The following PDZK1IP1 variants were observed in gnomAD, a reference collection of about 807,000 sequenced individuals.
PDZK1IP1 encodes PDZK1 interacting protein 1, also known as PDZK1-interacting protein 1.
A neutral mutation model predicts 14.7 loss-of-function variants in PDZK1IP1; 9 were observed. That is an observed-to-expected ratio of 0.61 (90% CI 0.37 to 1.07). The LOEUF is 1.07. PDZK1IP1 is among the 50% of genes least tolerant of loss of function. PDZK1IP1 has a pLI of 0.01. For missense variants in PDZK1IP1, 152 were observed against 148.7 expected, an observed-to-expected ratio of 1.02 and a Z score of -0.11; for synonymous variants, 70 against 61.2, an observed-to-expected ratio of 1.14 and a Z score of -0.67.
Position 47,183,801 on chromosome 1 carries a change from A to G in PDZK1IP1, c.*170T>C, listed in dbSNP as rs1436991442. 1 of 644,384 alleles carries G rather than the reference A, an allele frequency of 1.6e-6. No homozygotes were observed. Among genetic ancestry groups the G allele is most frequent in the East Asian group, 2.7e-5 (1 of 36,712 alleles). 39.9% of individuals were successfully genotyped at this position (644,384 alleles called of 1,614,324 possible). ...CGAGCCCCAACCTAGACACGGTCTG[A>G]GCTCCAACCTTGGCTGGCTATACTT... On this transcript the variant is annotated 3_prime_UTR_variant, in exon 4 of 4. Transcript: ENST00000294338.
In PDZK1IP1 at chr1:47,189,802, G is replaced by T. The variant is rs77370325; in HGVS notation, c.67+64C>A. 2.7e-3 allele frequency: 3,492 copies of T among 1,281,980 alleles called. 95 individuals carry two copies. The East Asian group carries it at 0.062, about 23-fold the overall frequency. 79.4% of individuals were successfully genotyped at this position (1,281,980 alleles called of 1,614,324 possible). On this transcript the variant is annotated intron_variant, in intron 1 of 3. Coordinates refer to ENST00000294338, the MANE Select transcript of PDZK1IP1 (RefSeq NM_005764.4). ...TGTAAGTATCAAGGCCCTGGGGAGG[G>T]GAGCCAGAACACCACCTGTCCACCC...
At chr1:47,184,962 C>T in intron 3 of PDZK1IP1, 40 bp downstream of exon 3, 2 of 1,499,244 alleles carry the variant, frequency 1.3e-6, no homozygotes, top group Non-Finnish European at 1.9e-6. Context: ...CTCCTTAGGC[C>T]CTGGGAGCAC....
At position 47,187,326 on chromosome 1, in the gene PDZK1IP1, C is replaced by T; in HGVS notation, c.169G>A (p.Glu57Lys). Residue 57 changes from glutamate (E) to lysine (K), a missense_variant, in exon 2 of 4, where the codon GAG becomes AAG. Coordinates refer to ENST00000294338, the MANE Select transcript of PDZK1IP1 (RefSeq NM_005764.4). ...CCCTTGGGCAGCACTCACGGCTCCTCCTGGCACCAGAAGTGGTTGACTGCA... is the reference window on the plus strand; with the variant it reads ...CCCTTGGGCAGCACTCACGGCTCCTTCTGGCACCAGAAGTGGTTGACTGCA... ...AFAVNHFWCQ[E>K]EPEPAHMILT... 1 of 1,612,246 alleles carries T rather than the reference C, an allele frequency of 6.2e-7. No individual in the cohort carries two copies. Among genetic ancestry groups the T allele is most frequent in the Non-Finnish European group, 8.5e-7 (1 of 1,179,438 alleles).
At chr1:47,188,785 C>T (rs1003699640) in intron 1 of PDZK1IP1, among the ~76,000 whole-genome samples, 11 of 152,206 alleles carry the variant, frequency 7.2e-5, no homozygotes, top group African/African-American at 2.7e-4. Flanking sequence ...TGTGATTACC[C>T]TCAGTTCCAC....
intron 3 of PDZK1IP1, among the ~76,000 whole-genome samples, chr1:47,184,538 C>T (rs1406455573): frequency 4.7e-5 from 6 of 128,910 alleles, no homozygotes; most frequent in East Asian, 5.0e-4. Context: ...AGCTCCATCC[C>T]CCACTGAGCT....
chr1:47,184,544 G>A (rs114317643), intron 3 of PDZK1IP1, among the ~76,000 whole-genome samples: 6 of 14,398 alleles, frequency 4.2e-4, no homozygotes, highest in South Asian at 2.6e-3. Context: ...ATCCCCCACT[G>A]AGCTCCATCC....
chr1:47,187,524 T>G, intron 1 of PDZK1IP1, 97 bp from the exon 2 acceptor site: 2 of 946,244 alleles, frequency 2.1e-6, no homozygotes, highest in East Asian at 2.6e-5. Context: ...CCACCTATGC[T>G]GAAGGCCCTC....
rs779800928 is a variant in PDZK1IP1 at position 47,187,381 on chromosome 1, G to C, written c.114C>G (p.Ala38=). Residue 38 remains alanine, a synonymous_variant, in exon 2 of 4, where the codon GCC becomes GCG. Coordinates refer to ENST00000294338, the MANE Select transcript of PDZK1IP1 (RefSeq NM_005764.4). ...QPWMQGLIAV[A]VFLVLVAIAF... ...CGATTGCAACGAGGACCAGGAACACGGCCACCGCGATAAGGCCCTGCATCC... is the reference window on the plus strand; with the variant it reads ...CGATTGCAACGAGGACCAGGAACACCGCCACCGCGATAAGGCCCTGCATCC... 1 of 1,612,828 alleles carries C rather than the reference G, an allele frequency of 6.2e-7. No individual in the cohort carries two copies. The highest frequency in any genetic ancestry group is 2.2e-5 in the East Asian group (1 of 44,886).
At position 47,183,885 on chromosome 1, in the gene PDZK1IP1, A is replaced by G; in HGVS notation, c.*86T>C. The G allele has an allele frequency of 1.7e-6, 2 of 1,171,930 alleles. No homozygotes were observed. Among genetic ancestry groups the G allele is most frequent in the Non-Finnish European group, 2.5e-6 (2 of 803,484 alleles). 72.6% of individuals were successfully genotyped at this position (1,171,930 alleles called of 1,614,324 possible). On this transcript the variant is annotated 3_prime_UTR_variant, in exon 4 of 4. Transcript: ENST00000294338. Reference sequence around the variant, plus strand: ...GAGTCAGCCCACTATTGCAGATTCCACACAAAGAAGGAGGGGGCTTGGGTG... The same window carrying G: ...GAGTCAGCCCACTATTGCAGATTCCGCACAAAGAAGGAGGGGGCTTGGGTG...
At position 47,187,444 on chromosome 1, in the gene PDZK1IP1, G is replaced by A. The variant is rs1256657239; in HGVS notation, c.68-17C>T. 1.3e-6 allele frequency: 2 copies of A among 1,598,920 alleles called. No homozygotes were observed. Among genetic ancestry groups the A allele is most frequent in the South Asian group, 1.1e-5 (1 of 90,744 alleles). On this transcript the variant is annotated splice_polypyrimidine_tract_variant and intron_variant, in intron 1 of 3. Coordinates refer to ENST00000294338, the MANE Select transcript of PDZK1IP1 (RefSeq NM_005764.4). ...TCCCCAGGCCTAACAAAGGGAGAGGGGCTGTAGCAGACGGGGCCACAGTGG... is the reference window on the plus strand; with the variant it reads ...TCCCCAGGCCTAACAAAGGGAGAGGAGCTGTAGCAGACGGGGCCACAGTGG...
In PDZK1IP1 at chr1:47,183,841, G is replaced by C. The variant is rs1463000730; in HGVS notation, c.*130C>G. On this transcript the variant is annotated 3_prime_UTR_variant, in exon 4 of 4. Coordinates refer to ENST00000294338, the MANE Select transcript of PDZK1IP1 (RefSeq NM_005764.4). ...TGGCTATACTTCAAGGGCGGGTAGG[G>C]CCGGCATGGGGCTGGAGGGAGTCAG... The C allele has an allele frequency of 1.3e-6, 1 of 782,168 alleles. No individual in the cohort carries two copies. Among genetic ancestry groups the C allele is most frequent in the African/African-American group, 1.7e-5 (1 of 58,208 alleles). 48.5% of individuals were successfully genotyped at this position (782,168 alleles called of 1,614,324 possible).
rs535263311 is a variant in PDZK1IP1 at position 47,184,833 on chromosome 1, G to A, written c.272+169C>T. Among the ~76,000 whole-genome samples the A allele has an allele frequency of 8.6e-5, 13 of 151,006 alleles. No homozygotes were observed. In the East Asian group the frequency reaches 2.4e-3, roughly 28 times the overall value. On this transcript the variant is annotated intron_variant, in intron 3 of 3. Transcript: ENST00000294338. Reference sequence around the variant, plus strand: ...GCAGCCCTCGCCCCACACAGGGGCTGCATTTTCCCCACAGAGCCCTGCAAT... The same window carrying A: ...GCAGCCCTCGCCCCACACAGGGGCTACATTTTCCCCACAGAGCCCTGCAAT...
At position 47,183,786 on chromosome 1, in the gene PDZK1IP1, C is replaced by G; in HGVS notation, c.*185G>C. On this transcript the variant is annotated 3_prime_UTR_variant, in exon 4 of 4. Coordinates refer to ENST00000294338, the MANE Select transcript of PDZK1IP1 (RefSeq NM_005764.4). ...CCCCAGGGCCACAGCCGAGCCCCAA[C>G]CTAGACACGGTCTGAGCTCCAACCT... is the stretch of plus-strand genomic sequence containing the variant. 1 of 626,006 alleles carries G rather than the reference C, an allele frequency of 1.6e-6. No homozygotes were observed. Among genetic ancestry groups the G allele is most frequent in the South Asian group, 1.9e-5 (1 of 52,998 alleles). The allele number at this position is 626,006 out of a possible 1,614,324, so 38.8% of individuals were successfully genotyped here.
At chr1:47,184,154 A>T in intron 3 of PDZK1IP1, 111 bp from the exon 4 acceptor site, 2 of 844,564 alleles carry the variant, frequency 2.4e-6, no homozygotes, top group Admixed American at 2.1e-5. Context: ...TAAACACTTG[A>T]CTCCCAGAAG....
chr1:47,184,957 T>C (rs1421489176), intron 3 of PDZK1IP1, 45 bp downstream of exon 3: 3 of 1,466,788 alleles, frequency 2.0e-6, no homozygotes, highest in Admixed American at 3.3e-5. Flanking sequence ...AGATTCTCCT[T>C]AGGCCCTGGG....
intron 1 of PDZK1IP1, among the ~76,000 whole-genome samples, chr1:47,189,083 G>C (rs1005718462): frequency 2.7e-5 from 4 of 149,420 alleles, no homozygotes; most frequent in Non-Finnish European, 4.4e-5. Context: ...CTGGTCTGCA[G>C]TTCCCCAGAG....
intron 2 of PDZK1IP1, among the ~76,000 whole-genome samples, chr1:47,185,581 C>G (rs1329411938): frequency 6.6e-6 from 1 of 152,156 alleles, no homozygotes; most frequent in Non-Finnish European, 1.5e-5. Flanking sequence ...AGAAGCTGCT[C>G]TCATGAGGGT....
At chr1:47,188,379 C>G (rs1453030932) in intron 1 of PDZK1IP1, among the ~76,000 whole-genome samples, 3 of 152,182 alleles carry the variant, frequency 2.0e-5, no homozygotes, top group Admixed American at 6.5e-5. Flanking sequence ...CTTCAGGCCT[C>G]TGCTTCCCCA....
rs148079455 is a variant in PDZK1IP1 at position 47,189,752 on chromosome 1, C to A, written c.67+114G>T. 1.3e-4 allele frequency: 93 copies of A among 692,822 alleles called. No homozygotes were observed. In the African/African-American group the frequency reaches 1.6e-3, roughly 12 times the overall value. The allele number at this position is 692,822 out of a possible 1,614,324, so 42.9% of individuals were successfully genotyped here. On this transcript the variant is annotated intron_variant, in intron 1 of 3. Coordinates refer to ENST00000294338, the MANE Select transcript of PDZK1IP1 (RefSeq NM_005764.4). Reference sequence around the variant, plus strand: ...TGCCTTGGGACATTCTTTCAGCTAGCGCAGTCCCTGCTCCCCCTCCAAACT... The same window carrying A: ...TGCCTTGGGACATTCTTTCAGCTAGAGCAGTCCCTGCTCCCCCTCCAAACT...
Sources: gnomAD v4.1 joint callset for allele counts (sites outside exome capture counted in the v4.1 genomes callset) on GRCh38, gnomAD v4.1.1 for gene constraint, MANE v1.5 for transcripts, NCBI Gene and HGNC (gene_info 2026-07-23, HGNC 2026-07-21) for gene names.